The following PTPRD variants were observed in gnomAD, a reference collection of about 807,000 sequenced individuals.
The protein encoded by PTPRD is receptor-type tyrosine-protein phosphatase delta.
Under a neutral mutation model 214.5 loss-of-function variants are expected in PTPRD, and 34 were observed. That is an observed-to-expected ratio of 0.16 (90% confidence interval 0.12 to 0.21). PTPRD has a LOEUF of 0.21. PTPRD is among the 10% of genes least tolerant of loss of function. The pLI is 1.00. For missense variants in PTPRD, 2,545 were observed against 2,398.7 expected (o/e 1.06, Z -1.27); for synonymous variants, 1,128 against 845.7 (o/e 1.33, Z -5.79).
At chr9:9,197,555 C>T (rs377684446) in intron 9 of PTPRD, among the ~76,000 whole-genome samples, 106 of 152,254 alleles carry the variant, frequency 7.0e-4, no homozygotes, top group African/African-American at 2.3e-3. Flanking sequence ...GGATTACAGG[C>T]GCGTGCCACC....
intron 7 of PTPRD, among the ~76,000 whole-genome samples, chr9:9,630,613 A>AAT (rs2095560414): frequency 6.6e-6 from 1 of 152,240 alleles, no homozygotes. Context: ...GCCATTTAAA[A>AAT]GAGCTGATGA....
intron 4 of PTPRD, among the ~76,000 whole-genome samples, chr9:10,009,973 C>T (rs145784726): frequency 1.3e-5 from 2 of 151,974 alleles, no homozygotes; most frequent in East Asian, 3.9e-4. Context: ...ATTCTCCCTT[C>T]CCATCATGGC....
At chr9:10,215,250 G>A (rs1250946871) in intron 3 of PTPRD, among the ~76,000 whole-genome samples, 1 of 151,566 alleles carries the variant, frequency 6.6e-6, no homozygotes, top group African/African-American at 2.4e-5. Flanking sequence ...GAAACAAGAG[G>A]CTCTAAGAAT....
At chr9:8,397,259 A>T (rs1474126121) in intron 36 of PTPRD, among the ~76,000 whole-genome samples, 2 of 152,134 alleles carry the variant, frequency 1.3e-5, no homozygotes, top group Non-Finnish European at 2.9e-5. Flanking sequence ...AGAGGGAGAG[A>T]AATCCGGAGG....
At chr9:9,662,079 A>G (rs1027336513) in intron 7 of PTPRD, among the ~76,000 whole-genome samples, 4 of 151,788 alleles carry the variant, frequency 2.6e-5, no homozygotes, top group Non-Finnish European at 5.9e-5. Context: ...GTATTCAAAT[A>G]CTATATGAGA....
At chr9:9,964,293 G>C (rs2094546240) in intron 4 of PTPRD, among the ~76,000 whole-genome samples, 1 of 152,174 alleles carries the variant, frequency 6.6e-6, no homozygotes. Flanking sequence ...GTAATAGCAG[G>C]CTTGTTAGAA....
chr9:8,432,917 T>C (rs918884800), intron 35 of PTPRD, among the ~76,000 whole-genome samples: 1 of 152,210 alleles, frequency 6.6e-6, no homozygotes, highest in Non-Finnish European at 1.5e-5. Flanking sequence ...CATAGCAGCA[T>C]TGCCAGCATG....
intron 3 of PTPRD, among the ~76,000 whole-genome samples, chr9:10,309,036 T>G (rs974073265): frequency 1.6e-4 from 24 of 152,032 alleles, no homozygotes; most frequent in Non-Finnish European, 7.4e-5. Context: ...TAAAGCCAAA[T>G]TTTTCTCAGT....
At chr9:8,535,279 A>G (rs2076654766) in intron 14 of PTPRD, among the ~76,000 whole-genome samples, 1 of 151,924 alleles carries the variant, frequency 6.6e-6, no homozygotes, top group African/African-American at 2.4e-5. Flanking sequence ...GCAGCAATAA[A>G]CTGCAAATGA....
intron 8 of PTPRD, among the ~76,000 whole-genome samples, chr9:9,428,324 C>A (rs1321344584): frequency 6.6e-6 from 1 of 152,106 alleles, no homozygotes; most frequent in Non-Finnish European, 1.5e-5. Context: ...AAGGCCATTA[C>A]ATAATGGTAA....
chr9:9,844,266 C>G (rs907564433), intron 5 of PTPRD, among the ~76,000 whole-genome samples: 1 of 151,914 alleles, frequency 6.6e-6, no homozygotes, highest in Non-Finnish European at 1.5e-5. Context: ...ATAATTATCA[C>G]AAACACATCC....
chr9:9,160,659 A>C (rs970906164), intron 10 of PTPRD, among the ~76,000 whole-genome samples: 1 of 152,188 alleles, frequency 6.6e-6, no homozygotes, highest in Non-Finnish European at 1.5e-5. Context: ...CTACCATATG[A>C]TTCAGCAAAC....
At chr9:8,901,359 T>G (rs2098667603) in intron 11 of PTPRD, among the ~76,000 whole-genome samples, 1 of 152,208 alleles carries the variant, frequency 6.6e-6, no homozygotes, top group Non-Finnish European at 1.5e-5. Context: ...ATTATGACAG[T>G]GAACTATTTC....
chr9:10,239,887 CTAGAA>C, intron 3 of PTPRD, among the ~76,000 whole-genome samples: 1 of 151,906 alleles, frequency 6.6e-6, no homozygotes. Context: ...CAAGGTTGGT[CTAGAA>C]CCCTTTTTCC....
chr9:8,359,500 A>T (rs886948291), intron 39 of PTPRD, among the ~76,000 whole-genome samples: 3 of 151,896 alleles, frequency 2.0e-5, no homozygotes, highest in African/African-American at 7.3e-5. Flanking sequence ...AATAATTATA[A>T]ATTTTATAGT....
chr9:8,530,222 T>C (rs1411525679), intron 14 of PTPRD, among the ~76,000 whole-genome samples: 1 of 152,056 alleles, frequency 6.6e-6, no homozygotes, highest in Non-Finnish European at 1.5e-5. Flanking sequence ...TCTCTCCCTC[T>C]AGAGCCGAGG....
rs1455505895 is a variant in PTPRD at position 10,404,586 on chromosome 9, C to T, written c.-599-63569G>A. Among the ~76,000 whole-genome samples, 3 of 6,494 alleles carry T rather than the reference C, an allele frequency of 4.6e-4. 1 individual carries two copies. The highest frequency in any genetic ancestry group is 2.1e-3 in the Non-Finnish European group (3 of 1,446). 4.3% of individuals were successfully genotyped at this position (6,494 alleles called of 152,430 possible). A position where few individuals can be genotyped will look rare whatever the true frequency, so the allele number is the denominator to read the frequency against. On this transcript the variant is annotated intron_variant, in intron 2 of 45. Coordinates refer to ENST00000381196, the MANE Select transcript of PTPRD (RefSeq NM_002839.4). ...GCCATGTTGGTGACACGTCCAAAAT[C>T]AACCAGTGACCATTAAATAATGACA...
intron 2 of PTPRD, among the ~76,000 whole-genome samples, chr9:10,608,372 C>A (rs1039707924): frequency 6.6e-6 from 1 of 151,896 alleles, no homozygotes; most frequent in African/African-American, 2.4e-5. Context: ...CCACCTCTTC[C>A]CTTCCATAAT....
chr9:10,419,709 T>C (rs1425843298), intron 2 of PTPRD, among the ~76,000 whole-genome samples: 1 of 151,788 alleles, frequency 6.6e-6, no homozygotes, highest in Non-Finnish European at 1.5e-5. Flanking sequence ...GAGGTCCAAT[T>C]AGGATTTAGA....
Sources: gnomAD v4.1 joint callset for allele counts (sites outside exome capture counted in the v4.1 genomes callset) on GRCh38, gnomAD v4.1.1 for gene constraint, MANE v1.5 for transcripts, NCBI Gene and HGNC (gene_info 2026-07-23, HGNC 2026-07-21) for gene names.